GPRIN3: variants seen among roughly 807,000 people sequenced by gnomAD.
GPRIN3 encodes the protein G protein-regulated inducer of neurite outgrowth 3.
GPRIN3 carries 12 observed loss-of-function variants against 13.7 expected under a neutral mutation model. The observed-to-expected ratio is 0.87, with a 90% CI of 0.56 to 1.42. GPRIN3 has a LOEUF of 1.42. Among genes scored for constraint, GPRIN3 ranks in the 40% most tolerant of loss-of-function variants. GPRIN3 has a pLI of 0.00. For missense variants in GPRIN3, 1,009 were observed against 958.7 expected, an observed-to-expected ratio of 1.05 and a Z score of -0.69; for synonymous variants, 377 against 372.7, an observed-to-expected ratio of 1.01 and a Z score of -0.13.
At chr4:89,286,271 C>A (rs10014765) in intron 1 of GPRIN3, among the ~76,000 whole-genome samples, 110,151 of 151,974 alleles carry the variant, frequency 0.72, 41,146 homozygotes, top group Non-Finnish European at 0.83. Context: ...CAACTAAACT[C>A]TGGTTTTTGC....
In GPRIN3 at chr4:89,247,750, T is replaced by A. The variant is rs771175430; in HGVS notation, c.*30A>T. The A allele has an allele frequency of 4.5e-6, 7 of 1,567,052 alleles. No individual in the cohort carries two copies. In the African/African-American group the frequency reaches 8.2e-5, roughly 18 times the overall value. On this transcript the variant is annotated 3_prime_UTR_variant, in exon 2 of 2. Transcript: ENST00000609438. ...AGGGACGCATGTGAATACCGTAAAT[T>A]TATACACAAACTCCCATAAATACTC...
At chr4:89,261,282 TC>T (rs1418687668) in intron 1 of GPRIN3, among the ~76,000 whole-genome samples, 1 of 152,136 alleles carries the variant, frequency 6.6e-6, no homozygotes, top group Non-Finnish European at 1.5e-5. Context: ...GCTCCCCAGA[TC>T]CCAGTAGTGC....
Position 89,248,973 on chromosome 4 carries a change from G to T in GPRIN3, c.1138C>A (p.Gln380Lys). 1.2e-6 allele frequency: 2 copies of T among 1,614,050 alleles called. No homozygotes were observed. The highest frequency in any genetic ancestry group is 1.7e-6 in the Non-Finnish European group (2 of 1,179,926). Reference protein sequence around the residue: ...LELSDSTLAPQESSQCPGIMP... With the variant: ...LELSDSTLAPKESSQCPGIMP... Reference sequence around the variant, plus strand: ...ATGCCAGGGCACTGGCTGGACTCCTGGGGGGCTAGCGTGCTGTCAGAGAGC... The same window carrying T: ...ATGCCAGGGCACTGGCTGGACTCCTTGGGGGCTAGCGTGCTGTCAGAGAGC... The change falls in exon 2 of 2, where the codon CAG becomes AAG. Residue 380 changes from glutamine to lysine, a missense_variant. Transcript: ENST00000609438.
Position 89,247,587 on chromosome 4 carries a change from T to A in GPRIN3, c.*193A>T. On this transcript the variant is annotated 3_prime_UTR_variant, in exon 2 of 2. Transcript: ENST00000609438. Reference sequence around the variant, plus strand: ...CTTGTTTCTCTTTTCTTGTTCCTTCTTTCAAATTGAAATGACATTTTTGTT... The same window carrying A: ...CTTGTTTCTCTTTTCTTGTTCCTTCATTCAAATTGAAATGACATTTTTGTT... The A allele has an allele frequency of 1.9e-6, 1 of 518,666 alleles. No homozygotes were observed. 32.1% of individuals were successfully genotyped at this position (518,666 alleles called of 1,614,324 possible).
rs1050410864 is a variant in GPRIN3, at chr4:89,237,030, T to A, written c.*10750A>T. ...GCAATGACATTCTGCTTATTATTAT[T>A]TTTAATGGCAGGTCAAGGCTCTTTT... On this transcript the variant is annotated 3_prime_UTR_variant, in exon 2 of 2. Transcript: ENST00000609438. 1.3e-5 allele frequency: 2 copies of A among 152,198 alleles called. No homozygotes were observed. Among genetic ancestry groups the A allele is most frequent in the East Asian group, 1.9e-4 (1 of 5,190 alleles). The allele number at this position is 152,198 out of a possible 1,614,324, so 9.4% of individuals were successfully genotyped here. A position where few individuals can be genotyped will look rare whatever the true frequency, so the allele number is the denominator to read the frequency against.
chr4:89,296,377 C>T (rs1724734866), intron 1 of GPRIN3, among the ~76,000 whole-genome samples: 1 of 152,196 alleles, frequency 6.6e-6, no homozygotes, highest in South Asian at 2.1e-4. Context: ...ATTCATCCTC[C>T]TACCGAGTAC....
chr4:89,264,621 G>A (rs1479543010), intron 1 of GPRIN3, among the ~76,000 whole-genome samples: 5 of 152,064 alleles, frequency 3.3e-5, no homozygotes, highest in Non-Finnish European at 1.5e-5. Context: ...AGTTCAGAAT[G>A]GCAGCTGGAG....
intron 1 of GPRIN3, among the ~76,000 whole-genome samples, chr4:89,260,004 G>A (rs533373388): frequency 2.0e-5 from 3 of 152,168 alleles, no homozygotes; most frequent in South Asian, 2.1e-4. Context: ...AAGGGGTTTC[G>A]CCATGTTGGC....
Position 89,248,399 on chromosome 4 carries a change from C to T in GPRIN3, c.1712G>A (p.Ser571Asn), listed in dbSNP as rs1723180061. The change falls in exon 2 of 2, where the codon AGT (serine) becomes AAT (asparagine). Residue 571 changes from serine (S) to asparagine (N), a missense_variant. Transcript: ENST00000609438. The stretch of plus-strand genomic sequence containing the variant: ...ATTAGCAGCTGATTCTGTGCCTCCA[C>T]TTTCTTGGGATTTAGGATTGAGCAG... ...TLLLNPKSQE[S>N]GGTESAANPT... 6.2e-7 allele frequency: 1 copy of T among 1,614,150 alleles called. No individual in the cohort carries two copies. The highest frequency in any genetic ancestry group is 8.5e-7 in the Non-Finnish European group (1 of 1,180,014).
chr4:89,294,293 T>C (rs1469656565), intron 1 of GPRIN3, among the ~76,000 whole-genome samples: 3 of 152,188 alleles, frequency 2.0e-5, no homozygotes, highest in Admixed American at 6.5e-5. Flanking sequence ...ACATTTGTAA[T>C]CTCAGCACTT....
chr4:89,242,618 C>T lies in GPRIN3; in HGVS notation c.*5162G>A, dbSNP rs1722974325. ...GAAGAAAGCAGAAACTATGCCTTTG[C>T]TTATTTTATCCTGTGGGTTACAGTC... On this transcript the variant is annotated 3_prime_UTR_variant, in exon 2 of 2. Transcript: ENST00000609438. 1 of 152,128 alleles carries T rather than the reference C, an allele frequency of 6.6e-6. No individual in the cohort carries two copies. The highest frequency in any genetic ancestry group is 2.1e-4 in the South Asian group (1 of 4,824). The allele number at this position is 152,128 out of a possible 1,614,324, so 9.4% of individuals were successfully genotyped here. A position where few individuals can be genotyped will look rare whatever the true frequency, so the allele number is the denominator to read the frequency against.
At chr4:89,262,577 C>T (rs1023296735) in intron 1 of GPRIN3, among the ~76,000 whole-genome samples, 31 of 152,308 alleles carry the variant, frequency 2.0e-4, no homozygotes, top group African/African-American at 7.5e-4. Flanking sequence ...CCCTTTCCAT[C>T]TGCTCTTTGC....
chr4:89,261,478 A>G (rs77652377), intron 1 of GPRIN3, among the ~76,000 whole-genome samples: 1,817 of 152,292 alleles, frequency 0.012, 46 homozygotes, highest in African/African-American at 0.042. Flanking sequence ...ATATGACTTA[A>G]TGATATAGTT....
chr4:89,275,136 C>CTGTGTGTG (rs56091424), intron 1 of GPRIN3, among the ~76,000 whole-genome samples: 2,927 of 149,208 alleles, frequency 0.02, 39 homozygotes, highest in African/African-American at 0.032. Flanking sequence ...CTAAGTAACT[C>CTGTGTGTG]TGTGTGTGTG....
intron 1 of GPRIN3, among the ~76,000 whole-genome samples, chr4:89,299,783 A>C (rs1315830449): frequency 1.3e-5 from 2 of 152,184 alleles, no homozygotes; most frequent in Non-Finnish European, 2.9e-5. Flanking sequence ...ATGCAGCATC[A>C]CTTGAAAGAT....
In GPRIN3 at chr4:89,289,667, C is replaced by A. The variant is rs1018687052; in HGVS notation, c.-124+17948G>T. ...GCAAAGTGGGGACTTGATCCCAGGT[C>A]TTCTGATTCCTGTTTTCCAGGTGTA... On this transcript the variant is annotated intron_variant, in intron 1 of 1. Transcript: ENST00000609438. 2.0e-5 allele frequency among the ~76,000 whole-genome samples: 3 copies of A among 152,264 alleles called. No homozygotes were observed. The East Asian group carries it at 5.8e-4, about 30-fold the overall frequency.
rs1249920385 is a variant in GPRIN3 at position 89,242,665 on chromosome 4, C to CA, written c.*5114dup. On this transcript the variant is annotated 3_prime_UTR_variant, in exon 2 of 2. Transcript: ENST00000609438. ...AGTCAGTCTTCATAAAGCAAACCAT[C>CA]ATTATATAATGGTGTGCCCATAATA... The CA allele has an allele frequency of 6.6e-6, 1 of 152,208 alleles. No individual in the cohort carries two copies. The highest frequency in any genetic ancestry group is 1.5e-5 in the Non-Finnish European group (1 of 68,028). The allele number at this position is 152,208 out of a possible 1,614,324, so 9.4% of individuals were successfully genotyped here. A position where few individuals can be genotyped will look rare whatever the true frequency, so the allele number is the denominator to read the frequency against.
rs553572824 is a variant in GPRIN3, at chr4:89,298,039, G to A, written c.-124+9576C>T. Among the ~76,000 whole-genome samples the A allele has an allele frequency of 2.6e-5, 4 of 152,168 alleles. No homozygotes were observed. In the South Asian group the frequency reaches 8.3e-4, roughly 32 times the overall value. Reference sequence around the variant, plus strand: ...AAAATCAAGTTATTTCTATAATAATGTCACTCTCACTCATTTCACTGGCAT... The same window carrying A: ...AAAATCAAGTTATTTCTATAATAATATCACTCTCACTCATTTCACTGGCAT... On this transcript the variant is annotated intron_variant, in intron 1 of 1. Transcript: ENST00000609438.
At chr4:89,279,200 T>A (rs1196771954) in intron 1 of GPRIN3, among the ~76,000 whole-genome samples, 1 of 152,222 alleles carries the variant, frequency 6.6e-6, no homozygotes, top group Non-Finnish European at 1.5e-5. Flanking sequence ...AGGAGTTTTT[T>A]ATTTCATATT....
Sources: gnomAD v4.1 joint callset for allele counts (sites outside exome capture counted in the v4.1 genomes callset) on GRCh38, gnomAD v4.1.1 for gene constraint, MANE v1.5 for transcripts, NCBI Gene and HGNC (gene_info 2026-07-23, HGNC 2026-07-21) for gene names.